Variants in RBFOX3 observed in about 807,000 individuals in gnomAD.
RBFOX3 encodes RNA binding fox-1 homolog 3.
In RBFOX3, 17 loss-of-function variants were observed where a neutral mutation model predicts 48.7. That is an observed-to-expected ratio of 0.35 (90% CI 0.24 to 0.52). The LOEUF (loss-of-function observed/expected upper bound fraction) is 0.52. Ranked by LOEUF, RBFOX3 falls within the 20% of genes least tolerant of loss-of-function variation. The pLI, the probability that RBFOX3 is intolerant of heterozygous loss-of-function variation, is 0.94. For synonymous variants in RBFOX3, 212 were observed against 209.5 expected (o/e 1.01, Z -0.10); for missense variants, 382 against 497.5 (o/e 0.77, Z 2.21).
At chr17:79,186,200 C>T (rs904295465) in intron 4 of RBFOX3, among the ~76,000 whole-genome samples, 7 of 152,262 alleles carry the variant, frequency 4.6e-5, no homozygotes, top group Non-Finnish European at 7.3e-5. Context: ...CTGCCTCCAT[C>T]AGGCGGCTCA....
Position 79,518,604 on chromosome 17 carries a change from T to C in RBFOX3, c.-319-36006A>G, listed in dbSNP as rs926579776. Among the ~76,000 whole-genome samples, 77 of 152,326 alleles carry C rather than the reference T, an allele frequency of 5.1e-4. No homozygotes were observed. In the East Asian group the frequency reaches 0.013, roughly 26 times the overall value. ...GGCTGTGGGGAAGCCTACTGGATTT[T>C]TCTCCCACCACTGGAAGGGCAGGCC... On this transcript the variant is annotated intron_variant, in intron 1 of 14. Coordinates refer to ENST00000693108, the MANE Select transcript of RBFOX3 (RefSeq NM_001350451.2).
At chr17:79,608,825 G>A (rs2093899368) in intron 1 of RBFOX3, among the ~76,000 whole-genome samples, 3 of 152,106 alleles carry the variant, frequency 2.0e-5, no homozygotes, top group Non-Finnish European at 2.9e-5. Flanking sequence ...GGGGAGGGGC[G>A]GGGGGGCCAG....
At chr17:79,255,718 A>G (rs745983415) in intron 3 of RBFOX3, among the ~76,000 whole-genome samples, 2 of 151,894 alleles carry the variant, frequency 1.3e-5, no homozygotes, top group African/African-American at 2.4e-5. Flanking sequence ...CCAGCTGATC[A>G]CCATCCCGGG....
At chr17:79,183,224 CGCCGGGCCGGGG>C (rs1568300882) in intron 4 of RBFOX3, 1 of 150,324 alleles carries the variant, frequency 6.7e-6, no homozygotes, top group Non-Finnish European at 1.5e-5. Context: ...GGCGCACGTG[CGCCGGGCCGGGG>C]GCCGGGGCCG....
At chr17:79,662,750 A>C in the RBFOX3 span, among the ~76,000 whole-genome samples, 1 of 152,226 alleles carries the variant, frequency 6.6e-6, no homozygotes, top group Non-Finnish European at 1.5e-5. Flanking sequence ...CCCAATAAAA[A>C]GTTTGTAGAG....
chr17:79,578,177 T>C (rs1357575495), intron 1 of RBFOX3, among the ~76,000 whole-genome samples: 1 of 152,210 alleles, frequency 6.6e-6, no homozygotes, highest in Non-Finnish European at 1.5e-5. Flanking sequence ...GGAGCGCTTC[T>C]CTTACCCGTG....
chr17:79,527,437 C>CG (rs2086952170), intron 1 of RBFOX3, among the ~76,000 whole-genome samples: 1 of 152,224 alleles, frequency 6.6e-6, no homozygotes, highest in Admixed American at 6.5e-5. Flanking sequence ...AGCACGGTTC[C>CG]GCAGCTGTGC....
chr17:79,106,057 G>T (rs2077296895), intron 6 of RBFOX3, among the ~76,000 whole-genome samples: 1 of 152,222 alleles, frequency 6.6e-6, no homozygotes, highest in Non-Finnish European at 1.5e-5. Flanking sequence ...GCAAAACCCG[G>T]AACAGGCCCT....
chr17:79,248,960 C>T lies in RBFOX3; in HGVS notation c.-73-13155G>A, dbSNP rs190762458. Among the ~76,000 whole-genome samples, 843 of 152,342 alleles carry T rather than the reference C, an allele frequency of 5.5e-3. 5 individuals carry two copies. The highest frequency in any genetic ancestry group is 0.017 in the African/African-American group (694 of 41,578). On this transcript the variant is annotated intron_variant, in intron 3 of 14. Transcript: ENST00000693108. ...ACTGCCTCTTCTGTGGGAGGGCCCC[C>T]GCCTGCCACTCGCCAAGCCCCCATT...
intron 2 of RBFOX3, among the ~76,000 whole-genome samples, chr17:79,427,640 G>C (rs1410186090): frequency 6.6e-6 from 1 of 152,204 alleles, no homozygotes; most frequent in Non-Finnish European, 1.5e-5. Flanking sequence ...ACCCTTGTTA[G>C]GACACAGCTA....
chr17:79,220,916 G>A lies in RBFOX3; in HGVS notation c.-34+14850C>T, dbSNP rs937824271. Among the ~76,000 whole-genome samples the A allele has an allele frequency of 1.3e-5, 2 of 152,118 alleles. No individual in the cohort carries two copies. Among genetic ancestry groups the A allele is most frequent in the African/African-American group, 2.4e-5 (1 of 41,426 alleles). ...TGCATTGGGTGCAGCAGGGGTGAGA[G>A]GGTGGAGTGCAGGGAGGTGGGGCCA... is the stretch of plus-strand genomic sequence containing the variant. On this transcript the variant is annotated intron_variant, in intron 4 of 14. Coordinates refer to ENST00000693108, the MANE Select transcript of RBFOX3 (RefSeq NM_001350451.2). This position sits in a 1 kb window ranked among gnomAD's most constrained non-coding sequence, Gnocchi z 5.9.
chr17:79,544,326 C>G (rs958723418), intron 1 of RBFOX3, among the ~76,000 whole-genome samples: 1 of 152,162 alleles, frequency 6.6e-6, no homozygotes, highest in African/African-American at 2.4e-5. Context: ...CGCGCTGGCA[C>G]GTTGGGCACT....
intron 3 of RBFOX3, among the ~76,000 whole-genome samples, chr17:79,256,343 A>T (rs904411511): frequency 1.3e-5 from 2 of 151,848 alleles, no homozygotes; most frequent in Admixed American, 6.6e-5. Context: ...TTAAAAAAAA[A>T]TTCCCTACAC....
intron 4 of RBFOX3, among the ~76,000 whole-genome samples, chr17:79,223,390 G>T (rs562088409): frequency 6.6e-6 from 1 of 152,250 alleles, no homozygotes; most frequent in South Asian, 2.1e-4. Flanking sequence ...AAACAGCTGC[G>T]TATACATGCA....
chr17:79,175,369 C>A (rs1051169809), intron 4 of RBFOX3, among the ~76,000 whole-genome samples: 1 of 152,238 alleles, frequency 6.6e-6, no homozygotes, highest in Non-Finnish European at 1.5e-5. Context: ...ACTACCCCAC[C>A]CATCCCATTC....
At chr17:79,512,014 C>T (rs1238393097) in intron 1 of RBFOX3, among the ~76,000 whole-genome samples, 5 of 138,218 alleles carry the variant, frequency 3.6e-5, no homozygotes, top group Non-Finnish European at 7.8e-5. Flanking sequence ...AGCCAGGGGA[C>T]GCACACCTGG....
intron 2 of RBFOX3, among the ~76,000 whole-genome samples, chr17:79,372,541 C>T (rs1168652060): frequency 6.6e-6 from 1 of 151,900 alleles, no homozygotes; most frequent in Non-Finnish European, 1.5e-5. Context: ...CCCACCCCTG[C>T]GGGTCTTTCT....
the RBFOX3 span, among the ~76,000 whole-genome samples, chr17:79,656,691 A>G: frequency 0.07 from 1,800 of 25,672 alleles, 78 homozygotes; most frequent in Middle Eastern, 0.24. Flanking sequence ...GAGGGAAGGA[A>G]GGAAGGAAGG....
chr17:79,635,341 T>C, the RBFOX3 span, among the ~76,000 whole-genome samples: 1 of 152,038 alleles, frequency 6.6e-6, no homozygotes, highest in Non-Finnish European at 1.5e-5. Flanking sequence ...AACCTGATCG[T>C]CCCATCATCT....
Sources: gnomAD v4.1 joint callset for allele counts (sites outside exome capture counted in the v4.1 genomes callset) on GRCh38, gnomAD v4.1.1 for gene constraint, Gnocchi (gnomAD v3.1) non-coding constraint, MANE v1.5 for transcripts, NCBI Gene and HGNC (gene_info 2026-07-23, HGNC 2026-07-21) for gene names.